Variants in CAPN7 observed in about 807,000 individuals in gnomAD.
CAPN7 encodes calpain-7.
Under a neutral mutation model 115.2 loss-of-function variants are expected in CAPN7, and 72 were observed. The ratio of observed to expected loss-of-function variants is 0.63; its 90% CI spans 0.52 to 0.76. The LOEUF is 0.76. CAPN7 is among the 30% of genes least tolerant of loss of function. The pLI, the probability that CAPN7 is intolerant of heterozygous loss-of-function variation, is 0.00. For missense variants in CAPN7, 905 were observed against 971.5 expected (o/e 0.93, Z 0.91); for synonymous variants, 344 against 322.3 (o/e 1.07, Z -0.72).
intron 1 of CAPN7, 40 bp downstream of exon 1, chr3:15,206,637 C>G (rs1164332172): frequency 3.5e-6 from 5 of 1,439,556 alleles, no homozygotes; most frequent in Non-Finnish European, 4.7e-6. Flanking sequence ...GTTGCTCAGT[C>G]GGAGTGCGGC....
chr3:15,221,111 T>C (rs1693954606), intron 5 of CAPN7, 130 bp downstream of exon 5: 3 of 643,260 alleles, frequency 4.7e-6, no homozygotes, highest in Admixed American at 2.9e-5. Flanking sequence ...TATGTAATTA[T>C]ATCATCATGT....
chr3:15,211,547 T>C (rs776924478), intron 1 of CAPN7, among the ~76,000 whole-genome samples: 1 of 151,986 alleles, frequency 6.6e-6, no homozygotes, highest in Non-Finnish European at 1.5e-5. Context: ...GGGCGTGTCC[T>C]GTGGCTTTTA....
Position 15,207,682 on chromosome 3 carries a change from G to C in CAPN7, c.102+1085G>C, listed in dbSNP as rs189444259. ...TCTTTAGTTAAAAACTAAGGCACAC[G>C]TTAGCCTAGGCCTACACCTCGTCAG... On this transcript the variant is annotated intron_variant, in intron 1 of 20. Transcript: ENST00000253693. Among the ~76,000 whole-genome samples the C allele has an allele frequency of 1.3e-3, 195 of 148,162 alleles. 1 individual carries two copies. Among genetic ancestry groups the C allele is most frequent in the Middle Eastern group, 0.01 (3 of 288 alleles).
intron 16 of CAPN7, among the ~76,000 whole-genome samples, chr3:15,242,921 G>C (rs113404886): frequency 6.6e-4 from 101 of 152,296 alleles, no homozygotes; most frequent in African/African-American, 2.3e-3. Context: ...GGAGAATAGT[G>C]ATGAACAAAA....
chr3:15,220,752 G>C (rs1559391161), intron 4 of CAPN7, 29 bp from the exon 5 acceptor site: 1 of 1,603,024 alleles, frequency 6.2e-7, no homozygotes, highest in Admixed American at 1.7e-5. Context: ...AGAAAAACTA[G>C]AACAGTTGTT....
intron 11 of CAPN7, among the ~76,000 whole-genome samples, chr3:15,234,351 C>CA (rs1694866688): frequency 6.6e-6 from 1 of 152,018 alleles, no homozygotes; most frequent in Non-Finnish European, 1.5e-5. Context: ...AAAATAAAAA[C>CA]ATCATGCCTG....
At position 15,240,795 on chromosome 3, in the gene CAPN7, G is replaced by A; in HGVS notation, c.1594G>A (p.Asp532Asn). The change falls in exon 14 of 21, where the codon GAT becomes AAT. Residue 532 changes from aspartate (D) to asparagine (N), a missense_variant. Asp to Asn is a conservative substitution (Grantham distance 23). Transcript: ENST00000253693. ...ISWDDLCQYY[D>N]VIYLSWNPGL... ...CTGGGATGATCTCTGCCAGTATTAT[G>A]ATGTGATTTATTTGAGTTGGAATCC... 1 of 1,613,116 alleles carries A rather than the reference G, an allele frequency of 6.2e-7. No homozygotes were observed. Among genetic ancestry groups the A allele is most frequent in the African/African-American group, 1.3e-5 (1 of 75,022 alleles).
At chr3:15,240,422 G>A (rs765408479) in intron 12 of CAPN7, 51 bp from the exon 13 acceptor site, 7 of 1,536,138 alleles carry the variant, frequency 4.6e-6, no homozygotes, top group East Asian at 2.3e-5. Flanking sequence ...AACTAATATG[G>A]TAAAAACTGT....
At chr3:15,247,554 C>T in intron 19 of CAPN7, 97 bp downstream of exon 19, 1 of 918,094 alleles carries the variant, frequency 1.1e-6, no homozygotes, top group Non-Finnish European at 1.6e-6. Context: ...CATATATGGA[C>T]ATTGGATTTA....
At chr3:15,235,761 G>C (rs935724668) in intron 12 of CAPN7, among the ~76,000 whole-genome samples, 4 of 152,168 alleles carry the variant, frequency 2.6e-5, no homozygotes, top group Non-Finnish European at 4.4e-5. Context: ...CTCACCTCCT[G>C]CTATGCGGCC....
chr3:15,236,901 A>C (rs373431792), intron 12 of CAPN7, among the ~76,000 whole-genome samples: 17 of 152,308 alleles, frequency 1.1e-4, no homozygotes, highest in African/African-American at 4.1e-4. Context: ...TGGTGAGTGA[A>C]TGGGAAAGCC....
intron 3 of CAPN7, 68 bp downstream of exon 3, chr3:15,217,650 T>C: frequency 3.9e-6 from 5 of 1,279,154 alleles, no homozygotes; most frequent in Non-Finnish European, 5.3e-6. Context: ...TAGTGAATTT[T>C]ACATAACACC....
At position 15,206,530 on chromosome 3, in the gene CAPN7, A is replaced by T; in HGVS notation, c.35A>T (p.Gln12Leu). Residue 12 changes from glutamine to leucine, a missense_variant, in exon 1 of 21, where the codon CAG (glutamine) becomes CTG (leucine). By Grantham distance (113) the Gln-to-Leu change is moderately radical (BLOSUM62 -2). Around this residue, in one of 3 missense-constraint regions of CAPN7, gnomAD observed 271 missense variants for 239.6 expected, o/e 1.13. Coordinates refer to ENST00000253693, the MANE Select transcript of CAPN7 (RefSeq NM_014296.3). ...DATALERDAV[Q>L]FARLAVQRDH... is the part of the protein sequence containing the mutation. ...ACAGCACTGGAGCGGGACGCTGTGC[A>T]GTTCGCCCGTCTGGCGGTTCAGCGC... 6.4e-7 allele frequency: 1 copy of T among 1,555,992 alleles called. No homozygotes were observed. The highest frequency in any genetic ancestry group is 8.7e-7 in the Non-Finnish European group (1 of 1,150,368).
chr3:15,249,047 A>C (rs1695849541), intron 19 of CAPN7, among the ~76,000 whole-genome samples: 1 of 151,866 alleles, frequency 6.6e-6, no homozygotes, highest in Non-Finnish European at 1.5e-5. Flanking sequence ...ACAAATAAAA[A>C]CAGAACTACC....
At chr3:15,224,778 A>T (rs1308164009) in intron 6 of CAPN7, among the ~76,000 whole-genome samples, 2 of 152,194 alleles carry the variant, frequency 1.3e-5, no homozygotes, top group African/African-American at 4.8e-5. Flanking sequence ...ACTATATAGA[A>T]TATGAAGGCT....
At chr3:15,217,086 A>G (rs1023548899) in intron 2 of CAPN7, among the ~76,000 whole-genome samples, 2 of 150,322 alleles carry the variant, frequency 1.3e-5, no homozygotes, top group Admixed American at 6.6e-5. Flanking sequence ...AAAAAAAAAA[A>G]AGAGAGAAAA....
intron 8 of CAPN7, among the ~76,000 whole-genome samples, chr3:15,230,075 A>G (rs888644411): frequency 6.6e-6 from 1 of 152,202 alleles, no homozygotes; most frequent in Non-Finnish European, 1.5e-5. Context: ...AGTTGTATCT[A>G]CTTGCCTTAG....
chr3:15,246,505 C>G, intron 17 of CAPN7: 2 of 444,388 alleles, frequency 4.5e-6, no homozygotes, highest in Non-Finnish European at 8.0e-6. Flanking sequence ...AAGCCACAGC[C>G]TGGAAAAATT....
chr3:15,217,446 C>T lies in CAPN7; in HGVS notation c.233C>T (p.Pro78Leu). The T allele has an allele frequency of 6.2e-7, 1 of 1,612,714 alleles. No individual in the cohort carries two copies. Among genetic ancestry groups the T allele is most frequent in the Non-Finnish European group, 8.5e-7 (1 of 1,179,412 alleles). ...HSAVQSKSAD[P>L]LKSKHQLDLE... ...CTAGTTCAGTCAAAGAGTGCTGATC[C>T]TTTGAAGTCAAAACATCAGTTGGAC... Residue 78 changes from proline (P) to leucine (L), a missense_variant, in exon 3 of 21, where the codon CCT becomes CTT. Physicochemically the swap from Pro to Leu is moderately conservative, Grantham distance 98. Coordinates refer to ENST00000253693, the MANE Select transcript of CAPN7 (RefSeq NM_014296.3).
Sources: gnomAD v4.1 joint callset for allele counts (sites outside exome capture counted in the v4.1 genomes callset) on GRCh38, gnomAD v4.1.1 for gene constraint, gnomAD v4.1.1 regional missense constraint, MANE v1.5 for transcripts, NCBI Gene and HGNC (gene_info 2026-07-23, HGNC 2026-07-21) for gene names.